The following SIPA1L3 variants were observed in gnomAD, a reference collection of about 807,000 sequenced individuals.
SIPA1L3 encodes signal induced proliferation associated 1 like 3, also known as signal-induced proliferation-associated 1-like protein 3.
Under a neutral mutation model 150.1 loss-of-function variants are expected in SIPA1L3, and 59 were observed. The ratio of observed to expected loss-of-function variants is 0.39; its 90% CI spans 0.32 to 0.49. SIPA1L3 has a LOEUF of 0.49. Among genes scored for constraint, SIPA1L3 ranks in the 20% least tolerant of loss-of-function variants. SIPA1L3 has a pLI of 0.86. For missense variants in SIPA1L3, 2,211 were observed against 2,489.5 expected (o/e 0.89, Z 2.38); for synonymous variants, 1,070 against 1,077.6 (o/e 0.99, Z 0.14).
chr19:38,035,932 GC>G (rs1170796398), intron 2 of SIPA1L3, among the ~76,000 whole-genome samples: 3 of 152,198 alleles, frequency 2.0e-5, no homozygotes, highest in Non-Finnish European at 4.4e-5. Context: ...CCTGCACCCA[GC>G]CCTGAGCTGG....
At chr19:38,165,086 G>A (rs1207550331) in intron 15 of SIPA1L3, among the ~76,000 whole-genome samples, 180 bp downstream of exon 15, 1 of 152,190 alleles carries the variant, frequency 6.6e-6, no homozygotes, top group Non-Finnish European at 1.5e-5. Flanking sequence ...CCATCCATCA[G>A]CATTCAGGGA....
intron 1 of SIPA1L3, among the ~76,000 whole-genome samples, chr19:38,025,493 G>A (rs541229720): frequency 6.6e-6 from 1 of 152,294 alleles, no homozygotes; most frequent in Admixed American, 6.5e-5. Context: ...CTGCATGAGG[G>A]ACTGCAGGGC....
At chr19:38,100,572 G>A (rs748012167) in intron 5 of SIPA1L3, among the ~76,000 whole-genome samples, 11 of 152,246 alleles carry the variant, frequency 7.2e-5, no homozygotes, top group South Asian at 2.1e-4. Flanking sequence ...GGGCTATGGC[G>A]TAGGTCAGGT....
chr19:37,915,620 G>T (rs893028010), intron 1 of SIPA1L3, among the ~76,000 whole-genome samples: 2 of 152,086 alleles, frequency 1.3e-5, no homozygotes, highest in Admixed American at 1.3e-4. Context: ...CACCTCAAGT[G>T]ATCCGACGGC....
chr19:38,110,848 A>G (rs1483920081), intron 8 of SIPA1L3, among the ~76,000 whole-genome samples: 1 of 151,952 alleles, frequency 6.6e-6, no homozygotes, highest in Non-Finnish European at 1.5e-5. Context: ...TCACTGGCCC[A>G]GTTGGAGTCG....
At chr19:38,162,203 C>A in intron 13 of SIPA1L3, 50 bp from the exon 14 acceptor site, 1 of 1,473,606 alleles carries the variant, frequency 6.8e-7, no homozygotes, top group Non-Finnish European at 9.5e-7. Context: ...TTCTTCAGGC[C>A]CTGGCCTGAG....
rs538036473 is a variant in SIPA1L3 at position 38,057,099 on chromosome 19, C to T, written c.-310-24157C>T. Among the ~76,000 whole-genome samples the T allele has an allele frequency of 5.3e-5, 8 of 152,070 alleles. No individual in the cohort carries two copies. In the East Asian group the frequency reaches 7.7e-4, roughly 15 times the overall value. On this transcript the variant is annotated intron_variant, in intron 2 of 21. Transcript: ENST00000222345. ...CAGTCTGGCCAACATGGCGAAACCC[C>T]GTCTTTACTACAAATACAAAAATTA...
intron 8 of SIPA1L3, among the ~76,000 whole-genome samples, chr19:38,113,218 GAA>G (rs35895258): frequency 7.4e-6 from 1 of 135,108 alleles, no homozygotes; most frequent in Non-Finnish European, 1.6e-5. Context: ...CTCAATTAAA[GAA>G]AAAAAAAAAA....
rs1398541614 is a variant in SIPA1L3 at position 38,009,309 on chromosome 19, C to T, written c.-378-19780C>T. On this transcript the variant is annotated intron_variant, in intron 1 of 21. Coordinates refer to ENST00000222345, the MANE Select transcript of SIPA1L3 (RefSeq NM_015073.3). ...CTAGGATTACAGGGATGAGCCACCG[C>T]GCCCAGCCCTATTCTGGGCTATTAT... Among the ~76,000 whole-genome samples, 5 of 152,180 alleles carry T rather than the reference C, an allele frequency of 3.3e-5. No homozygotes were observed. The South Asian group carries it at 6.2e-4, about 19-fold the overall frequency.
chr19:38,096,861 A>T (rs1200716470), intron 4 of SIPA1L3, among the ~76,000 whole-genome samples: 1 of 152,194 alleles, frequency 6.6e-6, no homozygotes, highest in African/African-American at 2.4e-5. Flanking sequence ...GCATAAACCC[A>T]AAAGAAAAGG....
chr19:38,159,065 G>C (rs941078288), intron 13 of SIPA1L3, among the ~76,000 whole-genome samples: 3 of 152,208 alleles, frequency 2.0e-5, no homozygotes, highest in African/African-American at 7.2e-5. Flanking sequence ...GCACCTTCTG[G>C]GTGTATAAAA....
chr19:38,003,922 T>A (rs953696416), intron 1 of SIPA1L3, among the ~76,000 whole-genome samples: 1 of 148,954 alleles, frequency 6.7e-6, no homozygotes, highest in Middle Eastern at 3.4e-3. Context: ...CAGGCCAGAT[T>A]TGCCACCCTT....
At chr19:37,918,209 A>T (rs1865810867) in intron 1 of SIPA1L3, among the ~76,000 whole-genome samples, 1 of 151,884 alleles carries the variant, frequency 6.6e-6, no homozygotes, top group South Asian at 2.1e-4. Flanking sequence ...AAGGAAGGCA[A>T]GGAAAGGTCT....
At chr19:37,945,745 C>G (rs2046705183) in intron 1 of SIPA1L3, among the ~76,000 whole-genome samples, 1 of 152,182 alleles carries the variant, frequency 6.6e-6, no homozygotes, top group Admixed American at 6.6e-5. Context: ...TGGCTGTTCC[C>G]ATCTTTCATT....
At chr19:37,991,485 G>A (rs1599875353) in intron 1 of SIPA1L3, among the ~76,000 whole-genome samples, 1 of 152,206 alleles carries the variant, frequency 6.6e-6, no homozygotes, top group African/African-American at 2.4e-5. Context: ...CATCCCCAGA[G>A]CAAAGGCCAT....
chr19:38,051,597 G>T (rs1206860160), intron 2 of SIPA1L3, among the ~76,000 whole-genome samples: 1 of 151,968 alleles, frequency 6.6e-6, no homozygotes, highest in Non-Finnish European at 1.5e-5. Flanking sequence ...GTTTGGTTTG[G>T]TTTTTTTGTT....
chr19:38,064,655 C>T (rs942527297), intron 2 of SIPA1L3, among the ~76,000 whole-genome samples: 11 of 152,040 alleles, frequency 7.2e-5, no homozygotes, highest in African/African-American at 1.9e-4. Flanking sequence ...GCCAAGATCG[C>T]GCCACTGCAC....
intron 1 of SIPA1L3, among the ~76,000 whole-genome samples, chr19:38,009,542 C>T (rs1314939089): frequency 6.6e-6 from 1 of 152,054 alleles, no homozygotes; most frequent in Non-Finnish European, 1.5e-5. Flanking sequence ...TTTGAGGGTC[C>T]TTCTGTGCCA....
chr19:37,981,438 AAAG>A (rs959910047), intron 1 of SIPA1L3, among the ~76,000 whole-genome samples: 11 of 152,094 alleles, frequency 7.2e-5, no homozygotes, highest in African/African-American at 2.7e-4. Context: ...AAAAAAAAAA[AAAG>A]AGTTTTGGTT....
Sources: gnomAD v4.1 joint callset for allele counts (sites outside exome capture counted in the v4.1 genomes callset) on GRCh38, gnomAD v4.1.1 for gene constraint, MANE v1.5 for transcripts, NCBI Gene and HGNC (gene_info 2026-07-23, HGNC 2026-07-21) for gene names.